MAPKAP1: variants seen among roughly 807,000 people sequenced by gnomAD.
MAPKAP1 encodes MAPK associated protein 1.
A neutral mutation model predicts 65.7 loss-of-function variants in MAPKAP1; 20 were observed. The observed-to-expected ratio is 0.30, with a 90% CI of 0.21 to 0.44. The LOEUF (loss-of-function observed/expected upper bound fraction) is 0.44. MAPKAP1 is among the 20% of genes least tolerant of loss of function. The pLI is 1.00. For missense variants in MAPKAP1, 423 were observed against 648.0 expected (o/e 0.65, Z 3.77); for synonymous variants, 222 against 244.3 (o/e 0.91, Z 0.85).
intron 4 of MAPKAP1, among the ~76,000 whole-genome samples, chr9:125,634,519 A>G (rs950488758): frequency 1.3e-5 from 2 of 152,202 alleles, no homozygotes; most frequent in African/African-American, 4.8e-5. Flanking sequence ...AGTCTCATAA[A>G]ACACATGAAT....
At chr9:125,491,324 C>T (rs1486828574) in intron 8 of MAPKAP1, among the ~76,000 whole-genome samples, 1 of 151,716 alleles carries the variant, frequency 6.6e-6, no homozygotes, top group Non-Finnish European at 1.5e-5. Context: ...CATGCCTGTA[C>T]TCCCAGCTAC....
intron 7 of MAPKAP1, among the ~76,000 whole-genome samples, chr9:125,527,716 C>T (rs1442489667): frequency 1.3e-5 from 2 of 152,150 alleles, no homozygotes; most frequent in African/African-American, 4.8e-5. Context: ...CTTCCTCCTG[C>T]TGGGCACCCT....
intron 6 of MAPKAP1, among the ~76,000 whole-genome samples, chr9:125,549,466 A>C (rs1356364789): frequency 2.0e-5 from 3 of 152,248 alleles, no homozygotes; most frequent in Non-Finnish European, 2.9e-5. Context: ...TTTATCCATA[A>C]AGAGTTTACA....
At chr9:125,608,521 GCACCAAAATC>G (rs1457248822) in intron 4 of MAPKAP1, among the ~76,000 whole-genome samples, 2 of 152,192 alleles carry the variant, frequency 1.3e-5, no homozygotes, top group Non-Finnish European at 2.9e-5. Context: ...CGCCGCTGTG[GCACCAAAATC>G]CACCAAAGAT....
intron 7 of MAPKAP1, among the ~76,000 whole-genome samples, chr9:125,536,810 G>C (rs1830087673): frequency 1.3e-5 from 2 of 152,228 alleles, no homozygotes; most frequent in South Asian, 4.2e-4. Context: ...AGGCTAGAAG[G>C]GTGTTAAAAA....
intron 8 of MAPKAP1, among the ~76,000 whole-genome samples, chr9:125,501,894 TCTTC>T (rs1828992094): frequency 6.6e-6 from 1 of 152,180 alleles, no homozygotes. Context: ...TCTGTGTTTC[TCTTC>T]CTTGTTTTTG....
At chr9:125,565,460 C>G (rs1831022225) in intron 5 of MAPKAP1, 3 of 171,910 alleles carry the variant, frequency 1.7e-5, no homozygotes, top group African/African-American at 7.3e-5. Flanking sequence ...TTTTTTTTTA[C>G]ATGAAAAATA....
chr9:125,672,843 C>G (rs1257645324), intron 1 of MAPKAP1, among the ~76,000 whole-genome samples, 200 bp from the exon 2 acceptor site: 7 of 152,164 alleles, frequency 4.6e-5, no homozygotes, highest in Non-Finnish European at 1.0e-4. Flanking sequence ...TCAATGAGAT[C>G]TCTATAGAAT....
At chr9:125,698,482 C>T (rs897326933) in intron 1 of MAPKAP1, among the ~76,000 whole-genome samples, 12 of 150,800 alleles carry the variant, frequency 8.0e-5, no homozygotes, top group African/African-American at 2.9e-4. Context: ...GGACTATAGG[C>T]GTGTGTGTGC....
chr9:125,505,341 C>T (rs936160165), intron 8 of MAPKAP1, among the ~76,000 whole-genome samples: 2 of 152,120 alleles, frequency 1.3e-5, no homozygotes, highest in Admixed American at 6.5e-5. Flanking sequence ...AGGAGAATCG[C>T]TTGAACCTGG....
At chr9:125,520,323 G>A (rs188085736) in intron 7 of MAPKAP1, among the ~76,000 whole-genome samples, 14 of 152,316 alleles carry the variant, frequency 9.2e-5, no homozygotes, top group African/African-American at 2.9e-4. Context: ...TTTCTAAGCA[G>A]CACTCGGAAA....
At chr9:125,705,591 A>T (rs1021177904) in intron 1 of MAPKAP1, among the ~76,000 whole-genome samples, 1 of 152,184 alleles carries the variant, frequency 6.6e-6, no homozygotes, top group Non-Finnish European at 1.5e-5. Context: ...ATTTATCTCT[A>T]ATTGCCTAGC....
intron 8 of MAPKAP1, among the ~76,000 whole-genome samples, chr9:125,494,778 T>G (rs1589235329): frequency 6.6e-6 from 1 of 152,146 alleles, no homozygotes; most frequent in South Asian, 2.1e-4. Context: ...TTGGACTAAC[T>G]CCTTTTTCTT....
intron 8 of MAPKAP1, among the ~76,000 whole-genome samples, chr9:125,503,384 C>T (rs911171291): frequency 2.0e-5 from 3 of 152,228 alleles, no homozygotes; most frequent in African/African-American, 2.4e-5. Flanking sequence ...AGATAATGTC[C>T]GGGCAAAAGC....
At chr9:125,608,274 TTTTA>T (rs780912426) in intron 4 of MAPKAP1, among the ~76,000 whole-genome samples, 21 of 152,338 alleles carry the variant, frequency 1.4e-4, no homozygotes, top group African/African-American at 2.9e-4. Flanking sequence ...AAGCAAAGCT[TTTTA>T]TTTATTTGTT....
intron 4 of MAPKAP1, among the ~76,000 whole-genome samples, chr9:125,622,010 T>G (rs1262652921): frequency 1.3e-5 from 2 of 152,154 alleles, no homozygotes; most frequent in Non-Finnish European, 2.9e-5. Flanking sequence ...GAGGACATTA[T>G]GTTGAGAGAG....
Position 125,447,037 on chromosome 9 carries a change from C to G in MAPKAP1, c.1346-2439G>C, listed in dbSNP as rs973455944. On this transcript the variant is annotated intron_variant, in intron 10 of 11. Coordinates refer to ENST00000265960, the MANE Select transcript of MAPKAP1 (RefSeq NM_001006617.3). The surrounding 1 kb of genome is among the most constrained non-coding windows in gnomAD (Gnocchi z 4.5). ...CAATTGTGGGCTGACAGAGGGGAGG[C>G]CTGTGGTTCATCTGCACAGTCACGT... Among the ~76,000 whole-genome samples, 2 of 152,098 alleles carry G rather than the reference C, an allele frequency of 1.3e-5. No homozygotes were observed. Among genetic ancestry groups the G allele is most frequent in the African/African-American group, 4.8e-5 (2 of 41,390 alleles).
intron 6 of MAPKAP1, among the ~76,000 whole-genome samples, chr9:125,551,645 T>C (rs1288788244): frequency 6.6e-6 from 1 of 152,128 alleles, no homozygotes; most frequent in Non-Finnish European, 1.5e-5. Context: ...TTTATTGGCC[T>C]TGACTTTTTT....
At chr9:125,660,828 C>G (rs1055132664) in intron 3 of MAPKAP1, among the ~76,000 whole-genome samples, 1 of 152,204 alleles carries the variant, frequency 6.6e-6, no homozygotes, top group Non-Finnish European at 1.5e-5. Flanking sequence ...CCTCCTCACC[C>G]CAACCCTTGT....
Sources: gnomAD v4.1 joint callset for allele counts (sites outside exome capture counted in the v4.1 genomes callset) on GRCh38, gnomAD v4.1.1 for gene constraint, Gnocchi (gnomAD v3.1) non-coding constraint, MANE v1.5 for transcripts, NCBI Gene and HGNC (gene_info 2026-07-23, HGNC 2026-07-21) for gene names.